PDE2A: variants seen among roughly 807,000 people sequenced by gnomAD.
PDE2A encodes the protein cGMP-dependent 3',5'-cyclic phosphodiesterase.
In PDE2A, 53 loss-of-function variants were observed where a neutral mutation model predicts 133.6. The observed-to-expected ratio is 0.40, with a 90% confidence interval of 0.32 to 0.50. PDE2A has a LOEUF of 0.50. PDE2A is among the 20% of genes least tolerant of loss of function. The probability of loss-of-function intolerance (pLI) is 0.73; values close to 1 mark genes in which losing one functional copy is unlikely to be tolerated. For synonymous variants in PDE2A, 491 were observed against 490.2 expected, an observed-to-expected ratio of 1.00 and a Z score of -0.02; for missense variants, 796 against 1,232.4, an observed-to-expected ratio of 0.65 and a Z score of 5.30.
At chr11:72,639,142 C>T (rs983135923) in intron 2 of PDE2A, among the ~76,000 whole-genome samples, 1 of 152,166 alleles carries the variant, frequency 6.6e-6, no homozygotes, top group African/African-American at 2.4e-5. Flanking sequence ...TAGGGTTTTC[C>T]CACAGCTCTC....
rs118094216 is a variant in PDE2A, at chr11:72,607,049, G to T, written c.234+1613C>A. Among the ~76,000 whole-genome samples the T allele has an allele frequency of 8.6e-3, 1,314 of 152,212 alleles. 4 individuals carry two copies. Among genetic ancestry groups the T allele is most frequent in the Non-Finnish European group, 0.013 (853 of 67,976 alleles). Reference sequence around the variant, plus strand: ...CTCCCCATCTCTGCTTCCCTCCCTGGGGGCAGCAGAGCAGACCTCAGCTCC... The same window carrying T: ...CTCCCCATCTCTGCTTCCCTCCCTGTGGGCAGCAGAGCAGACCTCAGCTCC... On this transcript the variant is annotated intron_variant, in intron 3 of 30. Coordinates refer to ENST00000334456, the MANE Select transcript of PDE2A (RefSeq NM_002599.5).
rs932132503 is a variant in PDE2A, at chr11:72,631,159, A to G, written c.144+11095T>C. On this transcript the variant is annotated intron_variant, in intron 2 of 30. Transcript: ENST00000334456. ...GGCTGGCTGCAGAGACAAGAAGGTC[A>G]GGGGCTGAGGCCGGCCAGGCCTTCT... 10 of 1,534,528 alleles carry G rather than the reference A, an allele frequency of 6.5e-6. No individual in the cohort carries two copies. The African/African-American group carries it at 1.4e-4, about 21-fold the overall frequency.
At chr11:72,607,223 C>T (rs1857008201) in intron 3 of PDE2A, among the ~76,000 whole-genome samples, 1 of 152,240 alleles carries the variant, frequency 6.6e-6, no homozygotes, top group African/African-American at 2.4e-5. Flanking sequence ...GTCATCCCAG[C>T]CCCCAGCTTT....
intron 1 of PDE2A, among the ~76,000 whole-genome samples, 175 bp downstream of exon 1, chr11:72,673,962 C>T (rs976070350): frequency 2.6e-5 from 4 of 152,174 alleles, no homozygotes; most frequent in African/African-American, 9.7e-5. Flanking sequence ...AGGTAACCTG[C>T]CCCCACCCCA....
At chr11:72,656,641 T>C (rs1453914695) in intron 1 of PDE2A, among the ~76,000 whole-genome samples, 1 of 151,576 alleles carries the variant, frequency 6.6e-6, no homozygotes, top group Non-Finnish European at 1.5e-5. Flanking sequence ...GATGCAAATT[T>C]CATTCAAACT....
intron 21 of PDE2A, 117 bp downstream of exon 21, chr11:72,582,327 C>G: frequency 9.6e-7 from 1 of 1,036,568 alleles, no homozygotes; most frequent in Non-Finnish European, 1.4e-6. Flanking sequence ...TCTGAGGGAC[C>G]CTCCACAGCC....
At chr11:72,663,104 G>A (rs915091322) in intron 1 of PDE2A, among the ~76,000 whole-genome samples, 2 of 152,140 alleles carry the variant, frequency 1.3e-5, no homozygotes, top group Admixed American at 6.5e-5. Flanking sequence ...CCTCATCAGC[G>A]GTCCCAGCAC....
At chr11:72,654,124 G>A (rs1352634327) in intron 1 of PDE2A, among the ~76,000 whole-genome samples, 1 of 151,962 alleles carries the variant, frequency 6.6e-6, no homozygotes, top group African/African-American at 2.4e-5. Flanking sequence ...GCCCTGGGAT[G>A]TTTACTTCCC....
chr11:72,598,943 G>A (rs919890130), intron 4 of PDE2A: 10 of 985,234 alleles, frequency 1.0e-5, no homozygotes, highest in Middle Eastern at 5.2e-4. Flanking sequence ...CAGTCACCCC[G>A]GGAAGGAGAG....
chr11:72,625,952 G>C (rs79702662), intron 2 of PDE2A, among the ~76,000 whole-genome samples: 2,480 of 152,344 alleles, frequency 0.016, 82 homozygotes, highest in African/African-American at 0.057. Context: ...CAGGACGGTG[G>C]GGGGTGGGGC....
intron 4 of PDE2A, among the ~76,000 whole-genome samples, chr11:72,600,594 C>T (rs1856696153): frequency 6.6e-6 from 1 of 152,144 alleles, no homozygotes; most frequent in African/African-American, 2.4e-5. Flanking sequence ...GGCTGAGTCT[C>T]CCCCACCCAC....
At chr11:72,631,364 C>A (rs780057791) in intron 2 of PDE2A, among the ~76,000 whole-genome samples, 5 of 152,170 alleles carry the variant, frequency 3.3e-5, no homozygotes, top group Non-Finnish European at 5.9e-5. Flanking sequence ...GAGAACAGAG[C>A]CATATTCCTT....
At chr11:72,633,729 A>AG (rs1858537799) in intron 2 of PDE2A, among the ~76,000 whole-genome samples, 1 of 152,200 alleles carries the variant, frequency 6.6e-6, no homozygotes, top group East Asian at 1.9e-4. Context: ...GTCAGCAGAC[A>AG]GCAGGGATAG....
chr11:72,633,404 T>C (rs890065177), intron 2 of PDE2A, among the ~76,000 whole-genome samples: 2 of 152,180 alleles, frequency 1.3e-5, no homozygotes, highest in African/African-American at 4.8e-5. Context: ...GACTCAGCCT[T>C]GCCCTTCGAG....
chr11:72,585,683 T>C (rs1855937848), intron 14 of PDE2A, 90 bp from the exon 15 acceptor site: 1 of 1,115,986 alleles, frequency 9.0e-7, no homozygotes, highest in Non-Finnish European at 1.3e-6. Context: ...CCGGGTCTTC[T>C]CCTTCCTTCC....
Position 72,581,345 on chromosome 11 carries a change from G to A in PDE2A, c.2045+12C>T. 1 of 1,612,276 alleles carries A rather than the reference G, an allele frequency of 6.2e-7. No homozygotes were observed. The highest frequency in any genetic ancestry group is 1.1e-5 in the South Asian group (1 of 90,314). ...AGTGGCTGCCAGATGTGGGGGAGAT[G>A]CAGCCACTCACTCGAGGTAGTTGGT... On this transcript the variant is annotated intron_variant, in intron 23 of 30. Transcript: ENST00000334456.
chr11:72,590,369 C>G lies in PDE2A; in HGVS notation c.703+58G>C. On this transcript the variant is annotated intron_variant, in intron 8 of 30. Coordinates refer to ENST00000334456, the MANE Select transcript of PDE2A (RefSeq NM_002599.5). The surrounding 1 kb of genome is among the most constrained non-coding windows in gnomAD (Gnocchi z 4.8). ...TCCCGGGATCGCCTAACCCGCCCAC[C>G]TCCCCTCCAAGTTCTGCCCGGCCCC... 2 of 1,552,212 alleles carry G rather than the reference C, an allele frequency of 1.3e-6. No individual in the cohort carries two copies. Among genetic ancestry groups the G allele is most frequent in the Non-Finnish European group, 1.7e-6 (2 of 1,146,498 alleles).
intron 1 of PDE2A, among the ~76,000 whole-genome samples, chr11:72,655,387 C>G (rs1014780995): frequency 9.3e-5 from 2 of 21,398 alleles, no homozygotes; most frequent in Non-Finnish European, 2.3e-4. Context: ...CTCATGCCCT[C>G]TGCAGCCCAG....
chr11:72,665,239 A>G (rs1040973272), intron 1 of PDE2A, among the ~76,000 whole-genome samples: 1 of 151,970 alleles, frequency 6.6e-6, no homozygotes, highest in Admixed American at 6.5e-5. Flanking sequence ...TGCCCCAACC[A>G]GAGCCCATGT....
Sources: gnomAD v4.1 joint callset for allele counts (sites outside exome capture counted in the v4.1 genomes callset) on GRCh38, gnomAD v4.1.1 for gene constraint, Gnocchi (gnomAD v3.1) non-coding constraint, MANE v1.5 for transcripts, NCBI Gene and HGNC (gene_info 2026-07-23, HGNC 2026-07-21) for gene names.